Variants in NELL1 observed in about 807,000 individuals in gnomAD.
NELL1 encodes the protein protein kinase C-binding protein NELL1.
In NELL1, 76 loss-of-function variants were observed where a neutral mutation model predicts 107.4. That is an observed-to-expected ratio of 0.71 (90% CI 0.59 to 0.86). NELL1 has a LOEUF of 0.86. NELL1 is among the 40% of genes least tolerant of loss of function. The pLI is 0.00. For missense variants in NELL1, 1,024 were observed against 1,005.5 expected (o/e 1.02, Z -0.25); for synonymous variants, 353 against 341.2 (o/e 1.03, Z -0.38).
At chr11:21,085,668 G>C (rs1178778078) in intron 12 of NELL1, among the ~76,000 whole-genome samples, 1 of 152,016 alleles carries the variant, frequency 6.6e-6, no homozygotes, top group Non-Finnish European at 1.5e-5. Context: ...TTTCTAGTCA[G>C]GGGACAACAA....
At chr11:21,460,908 C>T (rs1422432250) in intron 15 of NELL1, among the ~76,000 whole-genome samples, 1 of 152,072 alleles carries the variant, frequency 6.6e-6, no homozygotes, top group Non-Finnish European at 1.5e-5. Flanking sequence ...AGCTCCCTCA[C>T]ATTGTGATTG....
chr11:21,109,018 A>T (rs1159234856), intron 12 of NELL1, among the ~76,000 whole-genome samples: 1 of 152,130 alleles, frequency 6.6e-6, no homozygotes, highest in African/African-American at 2.4e-5. Context: ...AACAATGACA[A>T]CTTTGTGGTC....
chr11:20,897,201 T>G lies in NELL1; in HGVS notation c.603+11661T>G, dbSNP rs1282862900. Reference sequence around the variant, plus strand: ...CAGTAACCAAAACAGCATGGTACTGTTACCAAAACAGAGATATAGACTAAT... The same window carrying G: ...CAGTAACCAAAACAGCATGGTACTGGTACCAAAACAGAGATATAGACTAAT... On this transcript the variant is annotated intron_variant, in intron 5 of 19. Coordinates refer to ENST00000357134, the MANE Select transcript of NELL1 (RefSeq NM_006157.5). 2.7e-4 allele frequency among the ~76,000 whole-genome samples: 41 copies of G among 152,072 alleles called. 2 individuals are homozygous for G. The highest frequency in any genetic ancestry group is 2.6e-3 in the Admixed American group (40 of 15,264).
chr11:20,761,491 A>T (rs1433702186), intron 2 of NELL1, among the ~76,000 whole-genome samples: 1 of 152,218 alleles, frequency 6.6e-6, no homozygotes, highest in Non-Finnish European at 1.5e-5. Flanking sequence ...TTTTCTTGAG[A>T]ATACCAGGGT....
At chr11:20,845,743 T>C (rs1381535279) in intron 3 of NELL1, among the ~76,000 whole-genome samples, 1 of 152,236 alleles carries the variant, frequency 6.6e-6, no homozygotes, top group Non-Finnish European at 1.5e-5. Context: ...AAATGACTTT[T>C]CTTGCCTCCT....
intron 16 of NELL1, among the ~76,000 whole-genome samples, chr11:21,535,672 T>C (rs1856118664): frequency 6.6e-6 from 1 of 152,188 alleles, no homozygotes. Context: ...CATGGGTACA[T>C]TTTTATCCAG....
At chr11:21,236,843 C>T (rs538595258) in intron 14 of NELL1, among the ~76,000 whole-genome samples, 5 of 152,170 alleles carry the variant, frequency 3.3e-5, no homozygotes, top group African/African-American at 7.2e-5. Flanking sequence ...ACTAAACACA[C>T]GTTAAGAAAT....
intron 15 of NELL1, among the ~76,000 whole-genome samples, chr11:21,474,625 T>A (rs1854276174): frequency 6.6e-6 from 1 of 152,174 alleles, no homozygotes; most frequent in African/African-American, 2.4e-5. Flanking sequence ...TCCCTTTCAC[T>A]GCACCAAAAT....
At chr11:20,762,009 A>G (rs1856431882) in intron 2 of NELL1, among the ~76,000 whole-genome samples, 1 of 152,240 alleles carries the variant, frequency 6.6e-6, no homozygotes, top group Admixed American at 6.5e-5. Context: ...ATATCTTTCC[A>G]GGTGGGCACC....
chr11:21,551,142 T>G (rs1856573102), intron 16 of NELL1, among the ~76,000 whole-genome samples: 1 of 151,660 alleles, frequency 6.6e-6, no homozygotes, highest in African/African-American at 2.4e-5. Flanking sequence ...GCTCTCTGTT[T>G]GTCTGTTATT....
intron 12 of NELL1, among the ~76,000 whole-genome samples, chr11:21,096,433 C>T (rs955589909): frequency 3.9e-5 from 6 of 152,196 alleles, no homozygotes; most frequent in African/African-American, 1.2e-4. Flanking sequence ...ATCAACTTTT[C>T]CAAAGACAGC....
At chr11:21,534,997 A>G (rs1237828585) in intron 16 of NELL1, among the ~76,000 whole-genome samples, 1 of 152,214 alleles carries the variant, frequency 6.6e-6, no homozygotes, top group Non-Finnish European at 1.5e-5. Context: ...AGATACATAT[A>G]TTAAGATTAA....
chr11:21,460,505 G>C (rs1853873618), intron 15 of NELL1, among the ~76,000 whole-genome samples: 1 of 152,130 alleles, frequency 6.6e-6, no homozygotes, highest in African/African-American at 2.4e-5. Flanking sequence ...TCGTTGGCTT[G>C]AGGTAGCTAT....
At chr11:20,763,294 A>G (rs1856462174) in intron 2 of NELL1, among the ~76,000 whole-genome samples, 1 of 152,174 alleles carries the variant, frequency 6.6e-6, no homozygotes, top group Non-Finnish European at 1.5e-5. Flanking sequence ...GCATGTACCC[A>G]GCCTGCATGG....
intron 14 of NELL1, among the ~76,000 whole-genome samples, chr11:21,270,143 G>T (rs1848712194): frequency 6.6e-6 from 1 of 151,942 alleles, no homozygotes; most frequent in African/African-American, 2.4e-5. Flanking sequence ...GACTAAAATA[G>T]AAGCAAGGAC....
intron 5 of NELL1, among the ~76,000 whole-genome samples, chr11:20,915,717 A>ATATATATATATTTTTTTTTTTTTTTTTT: frequency 1.7e-5 from 1 of 58,224 alleles, no homozygotes; most frequent in African/African-American, 8.8e-5. Context: ...ATATATATAT[A>ATATATATATATTTTTTTTTTTTTTTTTT]TTTTTTTTTT....
At chr11:21,094,989 T>C (rs1313591857) in intron 12 of NELL1, among the ~76,000 whole-genome samples, 1 of 152,210 alleles carries the variant, frequency 6.6e-6, no homozygotes, top group Non-Finnish European at 1.5e-5. Flanking sequence ...TTCTATCACA[T>C]TTTCGGGCTG....
chr11:21,157,606 A>G (rs1856272180), intron 13 of NELL1, among the ~76,000 whole-genome samples: 2 of 152,162 alleles, frequency 1.3e-5, no homozygotes, highest in African/African-American at 4.8e-5. Context: ...TTGATTATAT[A>G]TGTTAGTTGT....
intron 2 of NELL1, among the ~76,000 whole-genome samples, chr11:20,774,233 C>T (rs1478559619): frequency 1.7e-5 from 2 of 117,006 alleles, no homozygotes; most frequent in Non-Finnish European, 3.5e-5. Flanking sequence ...TCCCTTCCTT[C>T]CTTCCTTTCC....
Sources: allele counts gnomAD v4.1 joint callset (sites outside exome capture counted in the v4.1 genomes callset), GRCh38; gene constraint gnomAD v4.1.1; transcripts MANE v1.5; gene names NCBI Gene and HGNC (gene_info 2026-07-23, HGNC 2026-07-21).